ALMS1: variants seen among roughly 807,000 people sequenced by gnomAD.
The protein encoded by ALMS1 is centrosome-associated protein ALMS1.
In ALMS1, 271 loss-of-function variants were observed where a neutral mutation model predicts 352.2. The ratio of observed to expected loss-of-function variants is 0.77; its 90% CI spans 0.70 to 0.85. The LOEUF (loss-of-function observed/expected upper bound fraction) is 0.85. Ranked by LOEUF, ALMS1 falls within the 40% of genes least tolerant of loss-of-function variation. ALMS1 has a pLI of 0.00. For synonymous variants in ALMS1, 1,865 were observed against 1,761.2 expected, an observed-to-expected ratio of 1.06 and a Z score of -1.48; for missense variants, 5,445 against 4,870.7, an observed-to-expected ratio of 1.12 and a Z score of -3.51.
At chr2:73,455,101 C>G (rs1235130156) in intron 8 of ALMS1, 61 bp from the exon 9 acceptor site, 8 of 1,572,100 alleles carry the variant, frequency 5.1e-6, no homozygotes, top group Non-Finnish European at 6.1e-6. Flanking sequence ...TTCTGTGTTG[C>G]AATTGTTGAC....
intron 21 of ALMS1, chr2:73,603,890 ATAAAAT>A (rs1463877677): frequency 3.2e-5 from 5 of 154,006 alleles, no homozygotes; most frequent in African/African-American, 9.6e-5. Context: ...TTATTTTGAA[ATAAAAT>A]TAAATATGTA....
At chr2:73,590,371 TTA>T (rs750758583) in intron 16 of ALMS1, among the ~76,000 whole-genome samples, 10 of 152,178 alleles carry the variant, frequency 6.6e-5, no homozygotes, top group African/African-American at 9.6e-5. Context: ...CATGGAATAT[TTA>T]CAAAATTAAT....
chr2:73,495,005 A>C (rs192130356), intron 10 of ALMS1, among the ~76,000 whole-genome samples: 4 of 151,988 alleles, frequency 2.6e-5, no homozygotes, highest in Non-Finnish European at 4.4e-5. Context: ...CTGTAAGGAG[A>C]ATTGTTCTTC....
chr2:73,520,052 C>T (rs774597531), intron 11 of ALMS1, 36 bp downstream of exon 11: 1 of 1,613,424 alleles, frequency 6.2e-7, no homozygotes, highest in South Asian at 1.1e-5. Context: ...ATTGTTAGAC[C>T]AGCTCTTTTG....
At position 73,386,140 on chromosome 2, in the gene ALMS1, T is replaced by G; in HGVS notation, c.272T>G (p.Leu91Arg). The G allele has an allele frequency of 6.4e-7, 1 of 1,561,432 alleles. No individual in the cohort carries two copies. ...CACCCCGGCAGGATTTTGCCTCCGCTGTCGCCCCCGCAGCACCGCTACTCG... is the reference window on the plus strand; with the variant it reads ...CACCCCGGCAGGATTTTGCCTCCGCGGTCGCCCCCGCAGCACCGCTACTCG... The part of the protein sequence containing the change: ...QAHPGRILPP[L>R]SPPQHRYSEG... The change falls in exon 1 of 23, where the codon CTG becomes CGG. Residue 91 changes from leucine to arginine, a missense_variant. By Grantham distance (102) the Leu-to-Arg change is moderately radical. Transcript: ENST00000613296.
chr2:73,404,308 C>T (rs971334941), intron 1 of ALMS1, among the ~76,000 whole-genome samples: 1 of 152,052 alleles, frequency 6.6e-6, no homozygotes, highest in African/African-American at 2.4e-5. Context: ...GTAGGATTTC[C>T]AGTGCTATGT....
Position 73,600,742 on chromosome 2 carries a change from T to C in ALMS1, c.11733T>C (p.Thr3911=), listed in dbSNP as rs766642540. 1 of 1,614,158 alleles carries C rather than the reference T, an allele frequency of 6.2e-7. No individual in the cohort carries two copies. The change falls in exon 18 of 23, where the codon ACT becomes ACC. Residue 3911 remains threonine (T), a synonymous_variant. Transcript: ENST00000613296. ...GAGATGTTGGGATAACTTTCCCAACTCCAAGTTCCAGCGAGGCTAAATTGG... is the reference window on the plus strand; with the variant it reads ...GAGATGTTGGGATAACTTTCCCAACCCCAAGTTCCAGCGAGGCTAAATTGG... ...HTRDVGITFP[T]PSSSEAKLEE...
chr2:73,582,256 A>G (rs1423539829), intron 16 of ALMS1, among the ~76,000 whole-genome samples: 1 of 152,084 alleles, frequency 6.6e-6, no homozygotes, highest in Non-Finnish European at 1.5e-5. Context: ...TACTGTTGTA[A>G]ATGTTTGGTT....
At chr2:73,419,815 T>C (rs1006758020) in intron 3 of ALMS1, among the ~76,000 whole-genome samples, 1 of 152,220 alleles carries the variant, frequency 6.6e-6, no homozygotes, top group Admixed American at 6.5e-5. Context: ...TTCCTCTGTT[T>C]AGTATGGAAC....
chr2:73,560,445 G>A (rs1674633218), intron 15 of ALMS1, among the ~76,000 whole-genome samples: 1 of 152,112 alleles, frequency 6.6e-6, no homozygotes, highest in Admixed American at 6.5e-5. Context: ...CCATTGGTGG[G>A]AATGTAAAAT....
At chr2:73,508,304 G>A (rs1558674487) in intron 10 of ALMS1, among the ~76,000 whole-genome samples, 1 of 148,944 alleles carries the variant, frequency 6.7e-6, no homozygotes, top group South Asian at 2.1e-4. Flanking sequence ...CTGGGTTCAC[G>A]CCATTCTCCT....
intron 7 of ALMS1, among the ~76,000 whole-genome samples, chr2:73,441,311 G>A (rs1028211804): frequency 6.6e-6 from 1 of 152,198 alleles, no homozygotes; most frequent in Admixed American, 6.5e-5. Context: ...GAAGGAAAGT[G>A]CCTACCTGAG....
At chr2:73,462,471 A>T (rs1380347107) in intron 9 of ALMS1, among the ~76,000 whole-genome samples, 1 of 152,112 alleles carries the variant, frequency 6.6e-6, no homozygotes, top group Non-Finnish European at 1.5e-5. Flanking sequence ...AAACATGGAA[A>T]GGAACAACTG....
chr2:73,563,103 A>G (rs994184885), intron 15 of ALMS1, among the ~76,000 whole-genome samples: 2 of 151,864 alleles, frequency 1.3e-5, no homozygotes, highest in African/African-American at 4.8e-5. Context: ...TATTAAAAAA[A>G]AAAAAACTTC....
In ALMS1 at chr2:73,452,241, T is replaced by C; in HGVS notation, c.5714T>C (p.Phe1905Ser). 1 of 1,614,004 alleles carries C rather than the reference T, an allele frequency of 6.2e-7. No homozygotes were observed. ...SYSNREKASI[F>S]HQQELPDVTE... ...TCAAATAGAGAGAAGGCCAGTATTT[T>C]TCATCAGCAGGAGTTGCCAGATGTT... The change falls in exon 8 of 23, where the codon TTT becomes TCT. Residue 1905 changes from phenylalanine to serine, a missense_variant. By Grantham distance (155) the Phe-to-Ser change is radical. Coordinates refer to ENST00000613296, the MANE Select transcript of ALMS1 (RefSeq NM_001378454.1).
intron 6 of ALMS1, among the ~76,000 whole-genome samples, chr2:73,428,222 TAGAA>T (rs1671419014): frequency 6.6e-6 from 1 of 152,196 alleles, no homozygotes; most frequent in African/African-American, 2.4e-5. Flanking sequence ...TCCTATCAAA[TAGAA>T]TTGTTAGAGA....
In ALMS1 at chr2:73,489,775, T is replaced by C. The variant is rs532551687; in HGVS notation, c.7816T>C (p.Ser2606Pro). The change falls in exon 10 of 23, where the codon TCT becomes CCT. Residue 2606 changes from serine to proline, a missense_variant. Physicochemically the swap from Ser to Pro is moderately conservative, Grantham distance 74. Transcript: ENST00000613296. ...QLDRHPCAFR[S>P]AGPSEMTRGR... is the part of the protein sequence containing the mutation. The stretch of plus-strand genomic sequence containing the variant: ...AGATAGACACCCTTGTGCTTTCAGA[T>C]CTGCTGGACCCTCAGAAATGACCAG... 8 of 1,614,130 alleles carry C rather than the reference T, an allele frequency of 5.0e-6. No homozygotes were observed. In the East Asian group the frequency reaches 1.6e-4, roughly 31 times the overall value.
chr2:73,462,476 C>G (rs987138176), intron 9 of ALMS1, among the ~76,000 whole-genome samples: 2 of 152,196 alleles, frequency 1.3e-5, no homozygotes, highest in Non-Finnish European at 2.9e-5. Flanking sequence ...TGGAAAGGAA[C>G]AACTGGTACC....
chr2:73,470,052 C>T (rs1558658794), intron 9 of ALMS1: 3 of 151,766 alleles, frequency 2.0e-5, no homozygotes, highest in Admixed American at 2.0e-4. Context: ...AGTGTGATGT[C>T]TCCACTTTTA....
Sources: allele counts gnomAD v4.1 joint callset (sites outside exome capture counted in the v4.1 genomes callset), GRCh38; gene constraint gnomAD v4.1.1; transcripts MANE v1.5; gene names NCBI Gene and HGNC (gene_info 2026-07-23, HGNC 2026-07-21).